Variants in ITPR1 observed in about 807,000 individuals in gnomAD.
ITPR1 encodes the protein inositol 1,4,5-trisphosphate-gated calcium channel ITPR1.
ITPR1 carries 96 observed loss-of-function variants against 318.4 expected under a neutral mutation model. The observed-to-expected ratio is 0.30, with a 90% CI of 0.26 to 0.36. The LOEUF (loss-of-function observed/expected upper bound fraction) is 0.36. Among genes scored for constraint, ITPR1 ranks in the 10% least tolerant of loss-of-function variants. ITPR1 has a pLI of 1.00. For synonymous variants in ITPR1, 1,312 were observed against 1,289.9 expected (o/e 1.02, Z -0.37); for missense variants, 2,440 against 3,460.2 (o/e 0.71, Z 7.40).
intron 4 of ITPR1, among the ~76,000 whole-genome samples, chr3:4,540,879 C>T (rs371701947): frequency 5.9e-5 from 9 of 152,210 alleles, no homozygotes; most frequent in African/African-American, 2.2e-4. Context: ...CCTAGCTGTG[C>T]TTCATTGAAG....
intron 4 of ITPR1, among the ~76,000 whole-genome samples, chr3:4,536,814 C>G (rs2083912265): frequency 6.6e-6 from 1 of 152,170 alleles, no homozygotes; most frequent in South Asian, 2.1e-4. Context: ...ACAGGCCCTT[C>G]CATGAATATG....
intron 4 of ITPR1, among the ~76,000 whole-genome samples, chr3:4,582,896 C>G (rs781556638): frequency 2.6e-5 from 4 of 152,308 alleles, no homozygotes; most frequent in Admixed American, 6.5e-5. Flanking sequence ...TGTCTGTGCT[C>G]TTTGGGCTGG....
At chr3:4,535,587 T>C (rs1368656809) in intron 4 of ITPR1, among the ~76,000 whole-genome samples, 1 of 151,500 alleles carries the variant, frequency 6.6e-6, no homozygotes, top group African/African-American at 2.4e-5. Context: ...GGACTACAGG[T>C]GCCTGCCACC....
intron 4 of ITPR1, among the ~76,000 whole-genome samples, chr3:4,547,724 C>T (rs1022163223): frequency 6.6e-6 from 1 of 152,170 alleles, no homozygotes; most frequent in Non-Finnish European, 1.5e-5. Context: ...CCTTCATATG[C>T]AGTTACACTG....
intron 5 of ITPR1, among the ~76,000 whole-genome samples, chr3:4,633,846 C>G (rs1182569420): frequency 6.6e-6 from 1 of 152,232 alleles, no homozygotes; most frequent in African/African-American, 2.4e-5. Context: ...AGAGGAGTGA[C>G]AGGTCCTTAT....
At chr3:4,494,776 C>T (rs2080421592) in intron 2 of ITPR1, among the ~76,000 whole-genome samples, 1 of 152,156 alleles carries the variant, frequency 6.6e-6, no homozygotes, top group South Asian at 2.1e-4. Flanking sequence ...AGCAATAAAA[C>T]GGCGGCCCAT....
chr3:4,778,237 A>G (rs1370094616), intron 48 of ITPR1, among the ~76,000 whole-genome samples: 1 of 152,242 alleles, frequency 6.6e-6, no homozygotes, highest in Non-Finnish European at 1.5e-5. Flanking sequence ...GCTTGCAGGC[A>G]TCAGGTTTCT....
chr3:4,513,855 G>A (rs2082002866), intron 2 of ITPR1, among the ~76,000 whole-genome samples: 2 of 152,112 alleles, frequency 1.3e-5, no homozygotes, highest in Non-Finnish European at 2.9e-5. Context: ...GGAGGCTGAG[G>A]CAGGCAGATC....
At chr3:4,587,250 T>C (rs1397636475) in intron 4 of ITPR1, among the ~76,000 whole-genome samples, 2 of 150,744 alleles carry the variant, frequency 1.3e-5, no homozygotes, top group African/African-American at 4.9e-5. Context: ...CTGCTGATGC[T>C]GCTGGTTCAC....
At chr3:4,608,431 A>C (rs1195758705) in intron 4 of ITPR1, among the ~76,000 whole-genome samples, 1 of 152,012 alleles carries the variant, frequency 6.6e-6, no homozygotes, top group Non-Finnish European at 1.5e-5. Flanking sequence ...TTTTTGCTAC[A>C]CTCACTCTGT....
intron 44 of ITPR1, among the ~76,000 whole-genome samples, chr3:4,749,033 C>G (rs762475970): frequency 7.9e-5 from 12 of 152,180 alleles, no homozygotes; most frequent in Non-Finnish European, 1.6e-4. Context: ...TGACATGACC[C>G]AGAACCAGGC....
chr3:4,636,935 G>A (rs114805548), intron 5 of ITPR1, among the ~76,000 whole-genome samples: 101 of 152,294 alleles, frequency 6.6e-4, no homozygotes, highest in African/African-American at 2.3e-3. Context: ...TAACCATTGC[G>A]TTGCTGTTGT....
At chr3:4,754,306 G>C (rs913314915) in intron 44 of ITPR1, among the ~76,000 whole-genome samples, 1 of 152,164 alleles carries the variant, frequency 6.6e-6, no homozygotes, top group African/African-American at 2.4e-5. Context: ...GTCACTGCCA[G>C]GTCCTCAGCA....
chr3:4,680,897 C>T (rs887330710), intron 25 of ITPR1, among the ~76,000 whole-genome samples: 1 of 152,180 alleles, frequency 6.6e-6, no homozygotes, highest in Non-Finnish European at 1.5e-5. Context: ...TGTTTCCTTC[C>T]ATCTGGGAGT....
intron 4 of ITPR1, among the ~76,000 whole-genome samples, chr3:4,616,193 A>T (rs1374817322): frequency 6.6e-6 from 1 of 152,208 alleles, no homozygotes; most frequent in Non-Finnish European, 1.5e-5. Flanking sequence ...CTGCAATTTT[A>T]GATTATTCTT....
At chr3:4,778,440 C>T (rs1359313823) in intron 48 of ITPR1, among the ~76,000 whole-genome samples, 1 of 152,108 alleles carries the variant, frequency 6.6e-6, no homozygotes, top group Non-Finnish European at 1.5e-5. Flanking sequence ...TGAAGGATGT[C>T]ATAGGAAAGG....
intron 17 of ITPR1, among the ~76,000 whole-genome samples, chr3:4,666,010 T>C (rs1447939268): frequency 6.6e-6 from 1 of 152,138 alleles, no homozygotes; most frequent in East Asian, 1.9e-4. Context: ...CTAGGGATGC[T>C]CTCAAACACC....
At chr3:4,696,914 G>A (rs1303690161) in intron 33 of ITPR1, among the ~76,000 whole-genome samples, 1 of 152,112 alleles carries the variant, frequency 6.6e-6, no homozygotes, top group Non-Finnish European at 1.5e-5. Context: ...TCTGTGGTCA[G>A]AGGTTTTGCC....
At chr3:4,559,161 GTTGT>G (rs1346210616) in intron 4 of ITPR1, among the ~76,000 whole-genome samples, 1 of 96,292 alleles carries the variant, frequency 1.0e-5, no homozygotes, top group Non-Finnish European at 2.1e-5. Context: ...ACCTGAAAAA[GTTGT>G]TTTTTTTTTT....
Sources: gnomAD v4.1 joint callset for allele counts (sites outside exome capture counted in the v4.1 genomes callset) on GRCh38, gnomAD v4.1.1 for gene constraint, MANE v1.5 for transcripts, NCBI Gene and HGNC (gene_info 2026-07-23, HGNC 2026-07-21) for gene names.